Variants in ITFG1 observed in about 807,000 individuals in gnomAD.
The protein encoded by ITFG1 is integrin alpha FG-GAP repeat containing 1.
In ITFG1, 34 loss-of-function variants were observed where a neutral mutation model predicts 81.8. That is an observed-to-expected ratio of 0.42 (90% CI 0.32 to 0.55). The LOEUF is 0.55. ITFG1 is among the 20% of genes least tolerant of loss of function. ITFG1 has a pLI of 0.17. For synonymous variants in ITFG1, 285 were observed against 270.6 expected (o/e 1.05, Z -0.52); for missense variants, 672 against 755.4 (o/e 0.89, Z 1.29).
intron 13 of ITFG1, among the ~76,000 whole-genome samples, chr16:47,236,545 A>T (rs1965877091): frequency 6.6e-6 from 1 of 151,980 alleles, no homozygotes; most frequent in African/African-American, 2.4e-5. Flanking sequence ...ACTTTCACCT[A>T]GAACTTGTAA....
intron 7 of ITFG1, among the ~76,000 whole-genome samples, chr16:47,368,026 AGAT>A (rs1021243605): frequency 2.6e-5 from 4 of 151,100 alleles, no homozygotes; most frequent in Admixed American, 2.6e-4. Flanking sequence ...TCAGGTCAGG[AGAT>A]GAAGACCATC....
chr16:47,258,546 A>G, intron 12 of ITFG1, 86 bp downstream of exon 12: 2 of 684,236 alleles, frequency 2.9e-6, no homozygotes, highest in Non-Finnish European at 5.2e-6. Flanking sequence ...AGAGGGTTGT[A>G]CATCGGAGCA....
chr16:47,185,678 C>G (rs1342300350), intron 14 of ITFG1, among the ~76,000 whole-genome samples: 1 of 152,022 alleles, frequency 6.6e-6, no homozygotes, highest in Non-Finnish European at 1.5e-5. Context: ...AAATTGACAC[C>G]CTAACATCAC....
At chr16:47,299,777 T>C (rs1437297336) in intron 10 of ITFG1, 2 of 152,254 alleles carry the variant, frequency 1.3e-5, no homozygotes, top group Non-Finnish European at 2.9e-5. Context: ...AGTTTGTCTT[T>C]GGACTGCAAT....
intron 10 of ITFG1, among the ~76,000 whole-genome samples, chr16:47,303,214 T>C (rs1227716474): frequency 6.6e-6 from 1 of 151,838 alleles, no homozygotes; most frequent in Non-Finnish European, 1.5e-5. Flanking sequence ...GAGCTTGCAG[T>C]GAGCCGAGAT....
chr16:47,427,460 C>T (rs1414398550), intron 6 of ITFG1, among the ~76,000 whole-genome samples: 6 of 152,000 alleles, frequency 3.9e-5, no homozygotes, highest in Admixed American at 3.9e-4. Flanking sequence ...AGTTCGAGAC[C>T]AGCCTGGCCA....
chr16:47,258,134 A>G (rs1966160979), intron 12 of ITFG1, among the ~76,000 whole-genome samples: 1 of 152,206 alleles, frequency 6.6e-6, no homozygotes, highest in African/African-American at 2.4e-5. Context: ...CATCAAGGTG[A>G]CCAGGTGAAC....
chr16:47,365,759 CTTTTTT>C, intron 8 of ITFG1, 23 bp downstream of exon 8: 3 of 1,101,280 alleles, frequency 2.7e-6, no homozygotes, highest in Non-Finnish European at 4.0e-6. Flanking sequence ...AGGCAAAAGC[CTTTTTT>C]TTTTTTTTTT....
intron 14 of ITFG1, among the ~76,000 whole-genome samples, chr16:47,211,321 T>A (rs1018786565): frequency 5.9e-5 from 9 of 152,240 alleles, no homozygotes; most frequent in Non-Finnish European, 1.0e-4. Flanking sequence ...GGTGTCTATG[T>A]ATCCATTGAT....
At chr16:47,242,864 T>C (rs563211339) in intron 12 of ITFG1, among the ~76,000 whole-genome samples, 1 of 152,182 alleles carries the variant, frequency 6.6e-6, no homozygotes. Flanking sequence ...TAGTAACTAA[T>C]AAGGGGGCTG....
intron 8 of ITFG1, among the ~76,000 whole-genome samples, chr16:47,330,186 A>G (rs1425679285): frequency 6.6e-6 from 1 of 152,166 alleles, no homozygotes; most frequent in Non-Finnish European, 1.5e-5. Flanking sequence ...AAAAATGAGC[A>G]TGGGAAAAAG....
intron 13 of ITFG1, among the ~76,000 whole-genome samples, chr16:47,221,554 T>A (rs891533870): frequency 6.6e-6 from 1 of 152,208 alleles, no homozygotes; most frequent in Non-Finnish European, 1.5e-5. Flanking sequence ...CTTTTTTGCT[T>A]GTGTCTCTGC....
intron 14 of ITFG1, among the ~76,000 whole-genome samples, chr16:47,181,408 T>A (rs1405650394): frequency 1.2e-5 from 1 of 82,114 alleles, no homozygotes; most frequent in East Asian, 3.5e-4. Context: ...GATGGGGGGG[T>A]CAGCCCCCCC....
chr16:47,456,478 T>G (rs1969454505), intron 2 of ITFG1, among the ~76,000 whole-genome samples: 1 of 151,996 alleles, frequency 6.6e-6, no homozygotes, highest in Non-Finnish European at 1.5e-5. Context: ...TTGCCTGAGC[T>G]CAGGAGTTTT....
intron 8 of ITFG1, among the ~76,000 whole-genome samples, chr16:47,333,076 AT>A (rs923918815): frequency 5.4e-4 from 81 of 150,106 alleles, no homozygotes; most frequent in African/African-American, 1.7e-3. Context: ...AGCTGTTCTT[AT>A]TTTTTTTTTC....
chr16:47,455,850 TAAAAC>T (rs1301374642), intron 2 of ITFG1, among the ~76,000 whole-genome samples: 2 of 82,930 alleles, frequency 2.4e-5, no homozygotes, highest in African/African-American at 4.8e-5. Context: ...CAAAGGAAAA[TAAAAC>T]AAAACTAAAT....
intron 14 of ITFG1, among the ~76,000 whole-genome samples, chr16:47,191,594 C>A (rs1211717169): frequency 6.6e-6 from 1 of 152,142 alleles, no homozygotes; most frequent in Non-Finnish European, 1.5e-5. Context: ...CTGCAACCTC[C>A]AACTCCTGGG....
intron 8 of ITFG1, among the ~76,000 whole-genome samples, chr16:47,314,977 T>C (rs1596886242): frequency 6.6e-6 from 1 of 152,100 alleles, no homozygotes; most frequent in Admixed American, 6.6e-5. Flanking sequence ...AATTTTAGGC[T>C]GAGTGGAATT....
intron 7 of ITFG1, among the ~76,000 whole-genome samples, chr16:47,367,191 T>A (rs1968188347): frequency 6.6e-6 from 1 of 152,174 alleles, no homozygotes; most frequent in Non-Finnish European, 1.5e-5. Flanking sequence ...TACGGAAGGG[T>A]CACAGAGCTT....
Sources: gnomAD v4.1 joint callset for allele counts (sites outside exome capture counted in the v4.1 genomes callset) on GRCh38, gnomAD v4.1.1 for gene constraint, MANE v1.5 for transcripts, NCBI Gene and HGNC (gene_info 2026-07-23, HGNC 2026-07-21) for gene names.